The following PXYLP1 variants were observed in gnomAD, a reference collection of about 807,000 sequenced individuals.
PXYLP1 encodes 2-phosphoxylose phosphatase 1.
PXYLP1 carries 17 observed loss-of-function variants against 37.9 expected under a neutral mutation model. The observed-to-expected ratio is 0.45, with a 90% CI of 0.31 to 0.67. The LOEUF (loss-of-function observed/expected upper bound fraction) is 0.67. PXYLP1 is among the 30% of genes least tolerant of loss of function. The pLI, the probability that PXYLP1 is intolerant of heterozygous loss-of-function variation, is 0.07. For synonymous variants in PXYLP1, 221 were observed against 232.2 expected (o/e 0.95, Z 0.44); for missense variants, 511 against 612.0 (o/e 0.84, Z 1.74).
At position 141,292,441 on chromosome 3, in the gene PXYLP1, T is replaced by G; in HGVS notation, c.679T>G (p.Trp227Gly). 1 of 1,614,196 alleles carries G rather than the reference T, an allele frequency of 6.2e-7. No homozygotes were observed. Among genetic ancestry groups the G allele is most frequent in the African/African-American group, 1.3e-5 (1 of 75,046 alleles). The change falls in exon 6 of 6, where the codon TGG (tryptophan) becomes GGG (glycine). Residue 227 changes from tryptophan (W) to glycine (G), a missense_variant. Trp to Gly is a radical substitution (Grantham distance 184). Coordinates refer to ENST00000286353, the MANE Select transcript of PXYLP1 (RefSeq NM_001037172.3). This position sits in a 1 kb window ranked among gnomAD's most constrained non-coding sequence, Gnocchi z 4.3. ...TTATGGCTTTCTCCCAGATTTTGACTGGAAGAAGATTTATTTCAGGCACCA... is the reference window on the plus strand; with the variant it reads ...TTATGGCTTTCTCCCAGATTTTGACGGGAAGAAGATTTATTTCAGGCACCA... ...LLYGFLPDFDWKKIYFRHQPS... is the reference protein window; with the variant it reads ...LLYGFLPDFDGKKIYFRHQPS...
At chr3:141,274,053 T>C in intron 2 of PXYLP1, 1 of 987,342 alleles carries the variant, frequency 1.0e-6, no homozygotes, top group Admixed American at 6.0e-5. Context: ...GTCATCTGCC[T>C]GAGGTCAGCA....
intron 2 of PXYLP1, among the ~76,000 whole-genome samples, chr3:141,277,537 C>A (rs144222606): frequency 5.9e-5 from 9 of 152,216 alleles, no homozygotes; most frequent in Admixed American, 3.3e-4. Flanking sequence ...AAAAAGAGCA[C>A]CTCTTCTAGA....
intron 1 of PXYLP1, among the ~76,000 whole-genome samples, chr3:141,233,732 C>G (rs1940591084): frequency 6.6e-6 from 1 of 152,200 alleles, no homozygotes; most frequent in Admixed American, 6.5e-5. Flanking sequence ...GCCTTTGGAG[C>G]ACAGCACTCC....
At chr3:141,253,110 C>T (rs979911312) in intron 1 of PXYLP1, among the ~76,000 whole-genome samples, 4 of 151,886 alleles carry the variant, frequency 2.6e-5, no homozygotes, top group East Asian at 3.9e-4. Flanking sequence ...CCCCTCTTCC[C>T]GCTCCATCCT....
At position 141,292,725 on chromosome 3, in the gene PXYLP1, C is replaced by A; in HGVS notation, c.963C>A (p.Phe321Leu). The A allele has an allele frequency of 6.2e-7, 1 of 1,614,076 alleles. No homozygotes were observed. Among genetic ancestry groups the A allele is most frequent in the Non-Finnish European group, 8.5e-7 (1 of 1,180,006 alleles). Residue 321 changes from phenylalanine (F) to leucine (L), a missense_variant, in exon 6 of 6, where the codon TTC becomes TTA. By Grantham distance (22) the Phe-to-Leu change is conservative. Transcript: ENST00000286353. The surrounding 1 kb of genome is among the most constrained non-coding windows in gnomAD (Gnocchi z 4.3). ...TRNGCVDMEH[F>L]KVIKTHQIED... is the part of the protein sequence containing the mutation. ...ATGGCTGTGTTGACATGGAGCACTT[C>A]AAGGTAATTAAGACCCATCAGATCG...
chr3:141,276,287 C>A (rs1274482852), intron 2 of PXYLP1, among the ~76,000 whole-genome samples: 1 of 152,212 alleles, frequency 6.6e-6, no homozygotes, highest in Non-Finnish European at 1.5e-5. Flanking sequence ...CTTTTTCACA[C>A]CCCATTCCAT....
chr3:141,293,460 T>C lies in PXYLP1; in HGVS notation c.*255T>C. ...TATCATAGCCAGACTTCGCTTAGAA[T>C]GCCAGAATAATATAGTTCAAGACCT... On this transcript the variant is annotated 3_prime_UTR_variant, in exon 6 of 6. Coordinates refer to ENST00000286353, the MANE Select transcript of PXYLP1 (RefSeq NM_001037172.3). 1 of 494,618 alleles carries C rather than the reference T, an allele frequency of 2.0e-6. No homozygotes were observed. Among genetic ancestry groups the C allele is most frequent in the Non-Finnish European group, 3.6e-6 (1 of 279,674 alleles). 30.6% of individuals were successfully genotyped at this position (494,618 alleles called of 1,614,324 possible).
chr3:141,256,164 G>C (rs1941257959), intron 1 of PXYLP1, among the ~76,000 whole-genome samples: 1 of 152,194 alleles, frequency 6.6e-6, no homozygotes, highest in Non-Finnish European at 1.5e-5. Flanking sequence ...GTGTCTGTGT[G>C]ATTCTTCCGG....
intron 1 of PXYLP1, among the ~76,000 whole-genome samples, chr3:141,248,023 G>GTTTTTTTTTTT (rs55888415): frequency 4.1e-5 from 5 of 122,898 alleles, no homozygotes; most frequent in Non-Finnish European, 6.6e-5. Flanking sequence ...TTTTTGTTTT[G>GTTTTTTTTTTT]TTTTTTTTTT....
intron 1 of PXYLP1, among the ~76,000 whole-genome samples, chr3:141,248,510 T>TACAC (rs765331991): frequency 9.3e-5 from 13 of 140,506 alleles, no homozygotes; most frequent in African/African-American, 2.3e-4. Context: ...TATATATATA[T>TACAC]ATACACACAC....
intron 1 of PXYLP1, among the ~76,000 whole-genome samples, chr3:141,256,085 G>C (rs2148735209): frequency 6.6e-6 from 1 of 152,312 alleles, no homozygotes; most frequent in Admixed American, 6.5e-5. Flanking sequence ...TGAAAGCAGA[G>C]CCACAGCATG....
intron 3 of PXYLP1, 38 bp from the exon 4 acceptor site, chr3:141,279,340 A>G (rs1313512322): frequency 8.1e-6 from 13 of 1,612,218 alleles, no homozygotes; most frequent in Non-Finnish European, 8.5e-6. Context: ...ATTGACACCT[A>G]TTGAGTGATA....
In PXYLP1 at chr3:141,287,287, C is replaced by T. The variant is rs374150183; in HGVS notation, c.366-27C>T. The T allele has an allele frequency of 1.2e-5, 20 of 1,611,348 alleles. No homozygotes were observed. In the African/African-American group the frequency reaches 2.5e-4, roughly 20 times the overall value. ...TTGGATTCTTGTGGAGCACTCTGAC[C>T]TCTAACTCTCTCTATCATCTCTCTA... On this transcript the variant is annotated intron_variant, in intron 4 of 5. Transcript: ENST00000286353.
chr3:141,243,641 G>A (rs1228639754), intron 1 of PXYLP1, among the ~76,000 whole-genome samples: 4 of 152,156 alleles, frequency 2.6e-5, no homozygotes, highest in African/African-American at 4.8e-5. Flanking sequence ...CCCACCCCTC[G>A]GGTGCCTGTA....
intron 1 of PXYLP1, among the ~76,000 whole-genome samples, chr3:141,237,867 C>T (rs1940698753): frequency 1.3e-5 from 2 of 152,294 alleles, no homozygotes; most frequent in South Asian, 4.1e-4. Context: ...CTTGCCAGCT[C>T]TTTGAAACAG....
chr3:141,268,689 T>C (rs1412832759), intron 2 of PXYLP1, among the ~76,000 whole-genome samples: 1 of 152,126 alleles, frequency 6.6e-6, no homozygotes, highest in Non-Finnish European at 1.5e-5. Flanking sequence ...GAGGGTGAAG[T>C]AGGGCGGGCA....
Position 141,292,143 on chromosome 3 carries a change from G to A in PXYLP1, c.506-125G>A. 3 of 893,162 alleles carry A rather than the reference G, an allele frequency of 3.4e-6. No homozygotes were observed. The highest frequency in any genetic ancestry group is 5.1e-6 in the Non-Finnish European group (3 of 584,462). The allele number at this position is 893,162 out of a possible 1,614,324, so 55.3% of individuals were successfully genotyped here. The stretch of plus-strand genomic sequence containing the variant: ...CGAGCTTGTAACTTCCACACCATGG[G>A]GAAACAGGCTGGATGCCATTCTCTT... On this transcript the variant is annotated intron_variant, in intron 5 of 5. Coordinates refer to ENST00000286353, the MANE Select transcript of PXYLP1 (RefSeq NM_001037172.3). The surrounding 1 kb of genome is among the most constrained non-coding windows in gnomAD (Gnocchi z 4.3).
At position 141,248,604 on chromosome 3, in the gene PXYLP1, T is replaced by TATACACGTATATATAC. The variant is rs753579969; in HGVS notation, c.-53-11518_-53-11517insTACACGTATATATACA. On this transcript the variant is annotated intron_variant, in intron 1 of 5. Coordinates refer to ENST00000286353, the MANE Select transcript of PXYLP1 (RefSeq NM_001037172.3). ...GTATATATACACACACGTGTATATA[T>TATACACGTATATATAC]ACACACGTATATATACACACACGTA... 1.4e-3 allele frequency among the ~76,000 whole-genome samples: 175 copies of TATACACGTATATATAC among 121,858 alleles called. 25 individuals carry two copies. Among genetic ancestry groups the TATACACGTATATATAC allele is most frequent in the African/African-American group, 2.9e-3 (86 of 30,016 alleles). The allele number at this position is 121,858 out of a possible 152,430, so 79.9% of individuals were successfully genotyped here.
At chr3:141,263,079 CT>C (rs1231101334) in intron 2 of PXYLP1, among the ~76,000 whole-genome samples, 1 of 152,112 alleles carries the variant, frequency 6.6e-6, no homozygotes, top group African/African-American at 2.4e-5. Flanking sequence ...TGGTAGTTTT[CT>C]TTTCCTGATG....
Sources: allele counts gnomAD v4.1 joint callset (sites outside exome capture counted in the v4.1 genomes callset), GRCh38; gene constraint gnomAD v4.1.1; non-coding constraint Gnocchi (gnomAD v3.1); transcripts MANE v1.5; gene names NCBI Gene and HGNC (gene_info 2026-07-23, HGNC 2026-07-21).